Variants in AFF3 observed in about 807,000 individuals in gnomAD.
AFF3 encodes AF4/FMR2 family member 3.
Under a neutral mutation model 129.7 loss-of-function variants are expected in AFF3, and 32 were observed. The ratio of observed to expected loss-of-function variants is 0.25; its 90% CI spans 0.19 to 0.33. The LOEUF (loss-of-function observed/expected upper bound fraction) is 0.33. AFF3 is among the 10% of genes least tolerant of loss of function. AFF3 has a pLI of 1.00. For missense variants in AFF3, 1,373 were observed against 1,592.0 expected (o/e 0.86, Z 2.34); for synonymous variants, 644 against 635.4 (o/e 1.01, Z -0.20).
At chr2:99,674,374 C>T (rs1687429426) in intron 11 of AFF3, among the ~76,000 whole-genome samples, 1 of 152,166 alleles carries the variant, frequency 6.6e-6, no homozygotes, top group Non-Finnish European at 1.5e-5. Flanking sequence ...CCTTGAGTCC[C>T]CAGTGACCAG....
At chr2:99,810,986 G>A (rs1686744152) in intron 8 of AFF3, among the ~76,000 whole-genome samples, 1 of 152,000 alleles carries the variant, frequency 6.6e-6, no homozygotes, top group Non-Finnish European at 1.5e-5. Flanking sequence ...TGATTACATT[G>A]TACCCATCCA....
In AFF3 at chr2:99,557,055, T is replaced by C. The variant is rs962513660; in HGVS notation, c.3285+1820A>G. Among the ~76,000 whole-genome samples the C allele has an allele frequency of 2.6e-5, 4 of 152,326 alleles. No individual in the cohort carries two copies. In the East Asian group the frequency reaches 7.7e-4, roughly 29 times the overall value. On this transcript the variant is annotated intron_variant, in intron 22 of 24. Coordinates refer to ENST00000672756, the MANE Select transcript of AFF3 (RefSeq NM_001386135.1). ...TGAAAATCTCTAAAAGAATCGATTT[T>C]AAATGTTCCCATCACAAAAACGGTA...
At chr2:99,897,604 C>T (rs992477793) in intron 7 of AFF3, among the ~76,000 whole-genome samples, 3 of 152,174 alleles carry the variant, frequency 2.0e-5, no homozygotes, top group Non-Finnish European at 4.4e-5. Context: ...CTTATCTCAC[C>T]TTGCAAGGCC....
At chr2:99,957,781 T>G (rs768804834) in intron 7 of AFF3, among the ~76,000 whole-genome samples, 9 of 152,208 alleles carry the variant, frequency 5.9e-5, no homozygotes, top group Admixed American at 2.0e-4. Flanking sequence ...CTTGGTCTTG[T>G]TCTGCCTATG....
rs1209001724 is a variant in AFF3 at position 99,593,775 on chromosome 2, G to A, written c.1886C>T (p.Pro629Leu). 2 of 1,612,530 alleles carry A rather than the reference G, an allele frequency of 1.2e-6. No individual in the cohort carries two copies. The highest frequency in any genetic ancestry group is 2.2e-5 in the South Asian group (2 of 91,054). The change falls in exon 15 of 25, where the codon CCC (proline) becomes CTC (leucine). Residue 629 changes from proline (P) to leucine (L), a missense_variant. Pro to Leu is a moderately conservative substitution (Grantham distance 98). Coordinates refer to ENST00000672756, the MANE Select transcript of AFF3 (RefSeq NM_001386135.1). ...GTGGCTCGCTCTGTTGTTGCCACAG[G>A]GCCTGGTTTTGGTGGGCTCCGGGGG... The part of the protein sequence containing the change: ...VVPPEPTKTR[P>L]CGNNRASHRK...
chr2:100,116,658 G>A (rs1384377707), intron 2 of AFF3, among the ~76,000 whole-genome samples: 1 of 151,974 alleles, frequency 6.6e-6, no homozygotes, highest in African/African-American at 2.4e-5. Context: ...CTCTATATTT[G>A]TGTATCATTG....
At chr2:99,557,754 T>C (rs566652352) in intron 22 of AFF3, among the ~76,000 whole-genome samples, 4 of 152,256 alleles carry the variant, frequency 2.6e-5, no homozygotes, top group African/African-American at 7.2e-5. Flanking sequence ...TTACTCTACA[T>C]GCACAATTGG....
At chr2:99,612,231 G>A (rs1681005991) in intron 13 of AFF3, among the ~76,000 whole-genome samples, 1 of 152,204 alleles carries the variant, frequency 6.6e-6, no homozygotes, top group South Asian at 2.1e-4. Flanking sequence ...TTGGTATTTA[G>A]CAAGTAGAAA....
At chr2:99,744,288 A>T in intron 9 of AFF3, 148 bp from the exon 10 acceptor site, 1 of 616,272 alleles carries the variant, frequency 1.6e-6, no homozygotes, top group Non-Finnish European at 2.8e-6. Flanking sequence ...CATATACATG[A>T]AGGTGGACAC....
chr2:100,061,864 G>A (rs565590095), intron 4 of AFF3, among the ~76,000 whole-genome samples: 2 of 150,728 alleles, frequency 1.3e-5, no homozygotes, highest in African/African-American at 2.4e-5. Flanking sequence ...TGGAGGGGGG[G>A]GGGGTGCCGA....
intron 4 of AFF3, chr2:100,011,683 G>A: frequency 4.1e-6 from 3 of 734,468 alleles, no homozygotes; most frequent in South Asian, 1.4e-5. Flanking sequence ...CGAGGGGAAA[G>A]AATCCAAGAT....
At chr2:99,660,665 TGAATCAGATCTCTCCAGA>T in intron 12 of AFF3, among the ~76,000 whole-genome samples, 1 of 152,356 alleles carries the variant, frequency 6.6e-6, no homozygotes, top group South Asian at 2.1e-4. Flanking sequence ...AGAAATAATG[TGAATCAGATCTCTCCAGA>T]GAATCAGATC....
chr2:100,053,382 A>G (rs889439567), intron 4 of AFF3, among the ~76,000 whole-genome samples: 16 of 152,242 alleles, frequency 1.1e-4, no homozygotes, highest in Non-Finnish European at 2.4e-4. Context: ...GTGAAAACAC[A>G]TGGGGGCATT....
intron 7 of AFF3, among the ~76,000 whole-genome samples, chr2:99,847,727 C>G (rs1689841179): frequency 6.6e-6 from 1 of 151,966 alleles, no homozygotes; most frequent in African/African-American, 2.4e-5. Context: ...TTCAGAACGT[C>G]TCAGCAGTGA....
intron 4 of AFF3, among the ~76,000 whole-genome samples, chr2:100,091,062 A>G (rs1230678400): frequency 7.9e-5 from 12 of 152,102 alleles, no homozygotes; most frequent in African/African-American, 2.9e-4. Flanking sequence ...TAAGAGATAC[A>G]TATTACAGGA....
chr2:99,864,420 A>G (rs1432513015), intron 7 of AFF3, among the ~76,000 whole-genome samples: 1 of 152,242 alleles, frequency 6.6e-6, no homozygotes, highest in Non-Finnish European at 1.5e-5. Flanking sequence ...GTAGAGCCCC[A>G]GGGTGGCTCT....
At chr2:99,892,137 T>C (rs967189466) in intron 7 of AFF3, among the ~76,000 whole-genome samples, 2 of 152,212 alleles carry the variant, frequency 1.3e-5, no homozygotes, top group African/African-American at 4.8e-5. Flanking sequence ...CCACCAGCTT[T>C]TGAAGGTCTC....
At chr2:99,968,233 T>C (rs1559019302) in intron 7 of AFF3, among the ~76,000 whole-genome samples, 2 of 152,234 alleles carry the variant, frequency 1.3e-5, no homozygotes, top group South Asian at 2.1e-4. Flanking sequence ...TCTGGCCTCA[T>C]GCTTTAGTGC....
intron 4 of AFF3, among the ~76,000 whole-genome samples, chr2:100,037,040 T>C (rs1455302979): frequency 6.6e-6 from 1 of 152,080 alleles, no homozygotes; most frequent in Admixed American, 6.5e-5. Context: ...AAAAGCGTTC[T>C]GAAAGCTCAC....
Sources: allele counts gnomAD v4.1 joint callset (sites outside exome capture counted in the v4.1 genomes callset), GRCh38; gene constraint gnomAD v4.1.1; transcripts MANE v1.5; gene names NCBI Gene and HGNC (gene_info 2026-07-23, HGNC 2026-07-21).